FAM3C: variants seen among roughly 807,000 people sequenced by gnomAD.
The protein encoded by FAM3C is FAM3 metabolism regulating signaling molecule C, also known as protein FAM3C.
Under a neutral mutation model 32.5 loss-of-function variants are expected in FAM3C, and 15 were observed. The observed-to-expected ratio is 0.46, with a 90% CI of 0.31 to 0.71. The LOEUF (loss-of-function observed/expected upper bound fraction) is 0.71. FAM3C is among the 30% of genes least tolerant of loss of function. The pLI, the probability that FAM3C is intolerant of heterozygous loss-of-function variation, is 0.05. For missense variants in FAM3C, 175 were observed against 274.4 expected, an observed-to-expected ratio of 0.64 and a Z score of 2.56; for synonymous variants, 75 against 86.1, an observed-to-expected ratio of 0.87 and a Z score of 0.72.
chr7:121,392,394 A>T (rs554058696), intron 1 of FAM3C, among the ~76,000 whole-genome samples: 4 of 152,270 alleles, frequency 2.6e-5, no homozygotes, highest in African/African-American at 9.6e-5. Context: ...GAAGAGAGAG[A>T]GTGCAGGAAA....
upstream of FAM3C, chr7:121,396,339 C>T (rs1475469846): frequency 6.6e-6 from 1 of 152,152 alleles, no homozygotes; most frequent in Non-Finnish European, 1.5e-5. Context: ...GCCGCTGGGC[C>T]TCCTCCCACG....
intron 3 of FAM3C, among the ~76,000 whole-genome samples, chr7:121,375,577 G>A (rs1794224223): frequency 6.6e-6 from 1 of 152,188 alleles, no homozygotes; most frequent in Non-Finnish European, 1.5e-5. Context: ...TCACTATGAT[G>A]TTCATAAAAA....
Position 121,364,135 on chromosome 7 carries a change from G to C in FAM3C, c.326C>G (p.Ala109Gly). The part of the protein sequence containing the change: ...NVGRGINVAL[A>G]NGKTGEVLDT... ...GCTAAAATAATTGTTCTTACCATTT[G>C]CCAAGGCAACATTGATCCCTCTTCC... Residue 109 changes from alanine to glycine, a missense_variant, in exon 6 of 10, where the codon GCA becomes GGA. Ala to Gly is a moderately conservative substitution (Grantham distance 60). Transcript: ENST00000359943. 2 of 1,595,094 alleles carry C rather than the reference G, an allele frequency of 1.3e-6. No individual in the cohort carries two copies. Among genetic ancestry groups the C allele is most frequent in the Non-Finnish European group, 1.7e-6 (2 of 1,163,168 alleles).
At chr7:121,385,680 C>A (rs990394802) in intron 1 of FAM3C, among the ~76,000 whole-genome samples, 4 of 152,148 alleles carry the variant, frequency 2.6e-5, no homozygotes, top group Admixed American at 1.3e-4. Context: ...TCAAGTGATA[C>A]TTCCATTATT....
At chr7:121,362,761 T>G (rs1793950495) in intron 7 of FAM3C, 136 bp downstream of exon 7, 2 of 640,570 alleles carry the variant, frequency 3.1e-6, no homozygotes, top group Non-Finnish European at 5.6e-6. Flanking sequence ...AGCTGGACAT[T>G]TAGTGAACAG....
chr7:121,377,551 A>G (rs989713395), intron 3 of FAM3C, among the ~76,000 whole-genome samples: 1 of 152,212 alleles, frequency 6.6e-6, no homozygotes, highest in Non-Finnish European at 1.5e-5. Context: ...ATGTAAGTAC[A>G]AGGATCTATG....
chr7:121,359,554 T>A (rs1345670291), intron 8 of FAM3C, among the ~76,000 whole-genome samples: 2 of 152,000 alleles, frequency 1.3e-5, no homozygotes, highest in South Asian at 4.1e-4. Flanking sequence ...TCTTTGCGCT[T>A]TTCTATAATT....
intron 8 of FAM3C, among the ~76,000 whole-genome samples, chr7:121,353,107 G>A (rs1171478382): frequency 2.6e-5 from 4 of 152,132 alleles, no homozygotes; most frequent in Non-Finnish European, 4.4e-5. Context: ...ATAAACAGCT[G>A]AAATGATGAA....
intron 5 of FAM3C, among the ~76,000 whole-genome samples, chr7:121,366,728 A>G (rs1794030371): frequency 6.6e-6 from 1 of 152,218 alleles, no homozygotes; most frequent in African/African-American, 2.4e-5. Flanking sequence ...GCTGTTTAAA[A>G]GTACTAGCTT....
At chr7:121,374,314 T>G (rs1792029658) in intron 3 of FAM3C, among the ~76,000 whole-genome samples, 1 of 152,246 alleles carries the variant, frequency 6.6e-6, no homozygotes, top group South Asian at 2.1e-4. Context: ...AAAAATTGTT[T>G]TTAAAAATTC....
At chr7:121,371,591 A>C (rs1794147982) in intron 4 of FAM3C, among the ~76,000 whole-genome samples, 168 bp from the exon 5 acceptor site, 1 of 152,180 alleles carries the variant, frequency 6.6e-6, no homozygotes, top group South Asian at 2.1e-4. Flanking sequence ...GAACCTCAAA[A>C]AATTTTTTTA....
intron 3 of FAM3C, among the ~76,000 whole-genome samples, chr7:121,377,281 A>C (rs1036626826): frequency 2.6e-5 from 4 of 152,146 alleles, no homozygotes; most frequent in African/African-American, 4.8e-5. Context: ...CAGACAATTA[A>C]ACCTCTTTCT....
At chr7:121,376,508 T>C (rs1794240778) in intron 3 of FAM3C, among the ~76,000 whole-genome samples, 3 of 152,210 alleles carry the variant, frequency 2.0e-5, no homozygotes, top group Admixed American at 1.3e-4. Context: ...AGAAGTATTT[T>C]GGATGTGGGA....
At chr7:121,380,884 T>C (rs1303136852) in intron 2 of FAM3C, among the ~76,000 whole-genome samples, 3 of 151,968 alleles carry the variant, frequency 2.0e-5, no homozygotes, top group Non-Finnish European at 2.9e-5. Context: ...GGCTAAAATT[T>C]TACATCATTT....
chr7:121,382,879 T>C (rs1794385536), intron 2 of FAM3C, 78 bp downstream of exon 2: 1 of 1,067,844 alleles, frequency 9.4e-7, no homozygotes, highest in Non-Finnish European at 1.4e-6. Flanking sequence ...AAAGATTATT[T>C]AACCTCTCCT....
Position 121,351,201 on chromosome 7 carries a change from C to A in FAM3C, c.536G>T (p.Arg179Ile). 6.2e-7 allele frequency: 1 copy of A among 1,613,738 alleles called. No individual in the cohort carries two copies. The highest frequency in any genetic ancestry group is 8.5e-7 in the Non-Finnish European group (1 of 1,179,782). The change falls in exon 9 of 10, where the codon AGA becomes ATA. Residue 179 changes from arginine to isoleucine, a missense_variant. Physicochemically the swap from Arg to Ile is moderately conservative, Grantham distance 97. Coordinates refer to ENST00000359943, the MANE Select transcript of FAM3C (RefSeq NM_014888.3). ...GSTSITNLGF[R>I]DNWVFCGGKG... ...CCCACCACAGAAGACCCAGTTGTCT[C>A]TAAAACCAAGATTAGTAATAGATGT...
At chr7:121,376,017 T>G (rs1794232553) in intron 3 of FAM3C, among the ~76,000 whole-genome samples, 1 of 152,238 alleles carries the variant, frequency 6.6e-6, no homozygotes, top group Non-Finnish European at 1.5e-5. Flanking sequence ...CTATGCACAT[T>G]GCTTCCAGAG....
At chr7:121,368,053 G>T (rs1421911179) in intron 5 of FAM3C, among the ~76,000 whole-genome samples, 1 of 151,942 alleles carries the variant, frequency 6.6e-6, no homozygotes, top group East Asian at 1.9e-4. Flanking sequence ...GTTCATACCT[G>T]CGATTTTCTA....
intron 5 of FAM3C, among the ~76,000 whole-genome samples, chr7:121,368,023 T>C (rs1033861670): frequency 1.3e-5 from 2 of 152,106 alleles, no homozygotes; most frequent in Non-Finnish European, 2.9e-5. Context: ...CTGCAATTAC[T>C]GTTTTTCCTG....
Sources: allele counts gnomAD v4.1 joint callset (sites outside exome capture counted in the v4.1 genomes callset), GRCh38; gene constraint gnomAD v4.1.1; transcripts MANE v1.5; gene names NCBI Gene and HGNC (gene_info 2026-07-23, HGNC 2026-07-21).